SIRT1: variants seen among roughly 807,000 people sequenced by gnomAD.
SIRT1 encodes the protein NAD-dependent protein deacetylase sirtuin-1.
Under a neutral mutation model 67.9 loss-of-function variants are expected in SIRT1, and 24 were observed. The observed-to-expected ratio is 0.35, with a 90% CI of 0.26 to 0.50. SIRT1 has a LOEUF of 0.50. Among genes scored for constraint, SIRT1 ranks in the 20% least tolerant of loss-of-function variants. The pLI, the probability that SIRT1 is intolerant of heterozygous loss-of-function variation, is 0.98. For missense variants in SIRT1, 873 were observed against 937.2 expected, an observed-to-expected ratio of 0.93 and a Z score of 0.89; for synonymous variants, 378 against 350.7, an observed-to-expected ratio of 1.08 and a Z score of -0.87.
rs34166943 is a variant in SIRT1 at position 67,890,916 on chromosome 10, G to T, written c.790-486G>T. Among the ~76,000 whole-genome samples the T allele has an allele frequency of 2.9e-3, 433 of 151,200 alleles. 2 individuals are homozygous for T. Among genetic ancestry groups the T allele is most frequent in the African/African-American group, 0.01 (420 of 41,136 alleles). On this transcript the variant is annotated intron_variant, in intron 3 of 8. Transcript: ENST00000212015. ...GCGGTGGCAGGCACCTGCATTCCCA[G>T]CTAATCAGTAGGCTAAGGCAGGAGA...
chr10:67,909,407 C>A lies in SIRT1; in HGVS notation c.1322C>A (p.Ser441Tyr). Residue 441 changes from serine (S) to tyrosine (Y), a missense_variant, in exon 7 of 9, where the codon TCT (serine) becomes TAT (tyrosine). Ser to Tyr is a moderately radical substitution (Grantham distance 144). Coordinates refer to ENST00000212015, the MANE Select transcript of SIRT1 (RefSeq NM_012238.5). Reference protein sequence around the residue: ...DEVDLLIVIGSSLKVRPVALI... With the variant: ...DEVDLLIVIGYSLKVRPVALI... ...GTTGACCTCCTCATTGTTATTGGGT[C>A]TTCCCTCAAAGTAAGACCAGTAGCA... 1 of 1,612,022 alleles carries A rather than the reference C, an allele frequency of 6.2e-7. No individual in the cohort carries two copies. Among genetic ancestry groups the A allele is most frequent in the Non-Finnish European group, 8.5e-7 (1 of 1,179,502 alleles).
At chr10:67,912,397 C>T in intron 7 of SIRT1, 77 bp from the exon 8 acceptor site, 2 of 1,318,720 alleles carry the variant, frequency 1.5e-6, no homozygotes, top group South Asian at 2.9e-5. Flanking sequence ...TGGATTTTTG[C>T]ATAATGTATC....
intron 4 of SIRT1, among the ~76,000 whole-genome samples, chr10:67,898,615 A>G: frequency 6.6e-6 from 1 of 152,232 alleles, no homozygotes. Flanking sequence ...CAACATGTAT[A>G]TGGATTATAT....
At chr10:67,888,757 C>A in intron 2 of SIRT1, 125 bp from the exon 3 acceptor site, 2 of 989,874 alleles carry the variant, frequency 2.0e-6, no homozygotes, top group African/African-American at 1.6e-5. Context: ...AATGAAATAC[C>A]ATTAAATTGC....
rs751701723 is a variant in SIRT1, at chr10:67,912,860, GT to G, written c.1745del (p.Val582AspfsTer19). The G allele has an allele frequency of 5.6e-6, 9 of 1,614,114 alleles. No individual in the cohort carries two copies. In the South Asian group the frequency reaches 8.8e-5, roughly 16 times the overall value. On this transcript the variant is annotated frameshift_variant, in exon 8 of 9. Coordinates refer to ENST00000212015, the MANE Select transcript of SIRT1 (RefSeq NM_012238.5). LOFTEE classifies it high-confidence loss of function. ...TTGTATGGAAGAAAAACCACAGGAA[GT>G]ACAAACTTCTAGGAATGTTGAAAGT... ...KGCMEEKPQE[V>X]QTSRNVESIA...
At chr10:67,915,538 G>A (rs2029884995) in intron 8 of SIRT1, among the ~76,000 whole-genome samples, 2 of 152,176 alleles carry the variant, frequency 1.3e-5, no homozygotes, top group Admixed American at 6.6e-5. Flanking sequence ...GAAGCAGTAG[G>A]TGGGTCTTGG....
In SIRT1 at chr10:67,917,844, T is replaced by C. The variant is rs555801598; in HGVS notation, c.*1251T>C. On this transcript the variant is annotated 3_prime_UTR_variant, in exon 9 of 9. Transcript: ENST00000212015. ...GATCAACTTTCTCAGCTGCAAAAGC[T>C]TCTAGTCTTTCAAGAAGTTCATACT... 2 of 152,744 alleles carry C rather than the reference T, an allele frequency of 1.3e-5. No homozygotes were observed. Among genetic ancestry groups the C allele is most frequent in the African/African-American group, 2.4e-5 (1 of 41,598 alleles). 9.5% of individuals were successfully genotyped at this position (152,744 alleles called of 1,614,324 possible).
chr10:67,886,551 G>C (rs1394689752), intron 1 of SIRT1, among the ~76,000 whole-genome samples: 6 of 97,306 alleles, frequency 6.2e-5, no homozygotes, highest in Non-Finnish European at 1.3e-4. Flanking sequence ...GTGAGACCCC[G>C]TCTCAAAAAA....
intron 4 of SIRT1, among the ~76,000 whole-genome samples, chr10:67,898,278 A>AG (rs1491554123): frequency 6.6e-6 from 1 of 151,222 alleles, no homozygotes; most frequent in Non-Finnish European, 1.5e-5. Context: ...AAAAAAGAAA[A>AG]GAAAAAAAAA....
intron 8 of SIRT1, among the ~76,000 whole-genome samples, chr10:67,913,560 C>T (rs898790988): frequency 1.3e-4 from 20 of 152,124 alleles, no homozygotes; most frequent in Non-Finnish European, 7.3e-5. Flanking sequence ...AGAAAAAACA[C>T]GCGTGATTCT....
intron 4 of SIRT1, among the ~76,000 whole-genome samples, chr10:67,903,391 CTTTT>C (rs11369665): frequency 2.0e-5 from 3 of 148,290 alleles, no homozygotes; most frequent in Admixed American, 6.7e-5. Flanking sequence ...GCAGATAGTT[CTTTT>C]TTTTTTTGAG....
chr10:67,909,221 C>T (rs377002106), intron 6 of SIRT1, 35 bp from the exon 7 acceptor site: 1 of 1,498,774 alleles, frequency 6.7e-7, no homozygotes, highest in South Asian at 1.3e-5. Flanking sequence ...TTACTCTTTG[C>T]TTCTCTACCT....
At position 67,884,928 on chromosome 10, in the gene SIRT1, T is replaced by TGCG. The variant is rs1029959272; in HGVS notation, c.220_222dup (p.Ala74dup). Reference sequence around the variant, plus strand: ...CGGCGGCGGCCAGGGGCTGCCCGGGTGCGGCGGCGGCGGCGCTGTGGCGGG... The same window carrying TGCG: ...CGGCGGCGGCCAGGGGCTGCCCGGGTGCGGCGGCGGCGGCGGCGCTGTGGCGGG... On this transcript the variant is annotated inframe_insertion, in exon 1 of 9. Transcript: ENST00000212015. 391 of 1,235,290 alleles carry TGCG rather than the reference T, an allele frequency of 3.2e-4. No homozygotes were observed. The highest frequency in any genetic ancestry group is 3.5e-4 in the Non-Finnish European group (348 of 991,252). The allele number at this position is 1,235,290 out of a possible 1,614,324, so 76.5% of individuals were successfully genotyped here.
chr10:67,914,839 C>T (rs78581269), intron 8 of SIRT1, among the ~76,000 whole-genome samples: 11,309 of 150,888 alleles, frequency 0.075, 1,102 homozygotes, highest in African/African-American at 0.23. Flanking sequence ...TCCAGAGTAG[C>T]TGTAGCTGAG....
intron 8 of SIRT1, among the ~76,000 whole-genome samples, chr10:67,914,551 GACTT>G (rs2029868532): frequency 6.6e-6 from 1 of 152,178 alleles, no homozygotes; most frequent in Non-Finnish European, 1.5e-5. Context: ...AATTGCTACT[GACTT>G]AGATACACAG....
At chr10:67,888,185 AG>A (rs1842516331) in intron 2 of SIRT1, among the ~76,000 whole-genome samples, 1 of 152,218 alleles carries the variant, frequency 6.6e-6, no homozygotes, top group Admixed American at 6.5e-5. Flanking sequence ...AAGCATTATC[AG>A]TTTTTTATAC....
At chr10:67,913,153 A>G (rs1016473026) in intron 8 of SIRT1, 122 bp downstream of exon 8, 3 of 979,812 alleles carry the variant, frequency 3.1e-6, no homozygotes, top group South Asian at 1.8e-5. Flanking sequence ...GTTTAGAGAA[A>G]CTGTACAGTT....
intron 1 of SIRT1, among the ~76,000 whole-genome samples, chr10:67,886,615 C>G (rs1355631510): frequency 6.6e-6 from 1 of 151,250 alleles, no homozygotes; most frequent in East Asian, 1.9e-4. Flanking sequence ...TAAAGAGACC[C>G]TGATTTCAAG....
intron 4 of SIRT1, among the ~76,000 whole-genome samples, chr10:67,904,726 C>A (rs1445391509): frequency 6.6e-6 from 1 of 152,120 alleles, no homozygotes; most frequent in East Asian, 1.9e-4. Context: ...TGCCTGTAAT[C>A]CCAGCTATTC....
Sources: allele counts gnomAD v4.1 joint callset (sites outside exome capture counted in the v4.1 genomes callset), GRCh38; gene constraint gnomAD v4.1.1; transcripts MANE v1.5; gene names NCBI Gene and HGNC (gene_info 2026-07-23, HGNC 2026-07-21).